AUNIP: variants seen among roughly 807,000 people sequenced by gnomAD.
AUNIP encodes the protein aurora kinase A- and ninein-interacting protein.
A neutral mutation model predicts 12.2 loss-of-function variants in AUNIP; 16 were observed. The ratio of observed to expected loss-of-function variants is 1.31; its 90% CI spans 0.88 to 1.99. The LOEUF (loss-of-function observed/expected upper bound fraction) is 1.99, where lower values mean the gene tolerates loss of function less well. Ranked by LOEUF, AUNIP falls within the 30% of genes most tolerant of loss-of-function variation. The probability of loss-of-function intolerance (pLI) is 0.00; values close to 1 mark genes in which losing one functional copy is unlikely to be tolerated. For missense variants in AUNIP, 411 were observed against 419.1 expected (o/e 0.98, Z 0.17); for synonymous variants, 142 against 154.8 (o/e 0.92, Z 0.61).
chr1:25,846,672 C>T (rs1376573216), intron 1 of AUNIP, among the ~76,000 whole-genome samples: 4 of 152,010 alleles, frequency 2.6e-5, no homozygotes, highest in East Asian at 1.9e-4. Context: ...GCGGTGAGAT[C>T]GCACCACTGC....
At chr1:25,849,898 A>C (rs2048414618) in intron 1 of AUNIP, among the ~76,000 whole-genome samples, 1 of 151,932 alleles carries the variant, frequency 6.6e-6, no homozygotes, top group African/African-American at 2.4e-5. Context: ...CAGCCTCCCA[A>C]AGTGCTGGGA....
downstream of AUNIP, chr1:25,832,497 T>C (rs1466749197): frequency 1.4e-5 from 4 of 294,688 alleles, no homozygotes; most frequent in South Asian, 4.3e-5. Flanking sequence ...GAAAATCTTA[T>C]GCTGCTCCGT....
chr1:25,836,590 TG>T (rs1334581483), intron 2 of AUNIP, among the ~76,000 whole-genome samples: 2 of 152,216 alleles, frequency 1.3e-5, no homozygotes, highest in African/African-American at 2.4e-5. Flanking sequence ...GCAGAATAAC[TG>T]ATTTCCTCTT....
chr1:25,836,181 A>G (rs1393653755), intron 2 of AUNIP, among the ~76,000 whole-genome samples: 4 of 152,168 alleles, frequency 2.6e-5, no homozygotes, highest in Non-Finnish European at 4.4e-5. Flanking sequence ...ACGGCACATC[A>G]GTTTTGCTTT....
At position 25,835,573 on chromosome 1, in the gene AUNIP, C is replaced by A. The variant is rs770594212; in HGVS notation, c.494G>T (p.Gly165Val). The change falls in exon 3 of 3, where the codon GGA becomes GTA. Residue 165 changes from glycine to valine, a missense_variant. Gly to Val is a moderately radical substitution (Grantham distance 109, BLOSUM62 -3). Coordinates refer to ENST00000374298, the MANE Select transcript of AUNIP (RefSeq NM_024037.3). ...AAAAGCCAGTGGGGTATGACTATCT[C>A]CAGCACAGTCTGGAGTATCAGGCTG... The part of the protein sequence containing the change: ...LLQPDTPDCA[G>V]DSHTPLAFSF... The A allele has an allele frequency of 6.2e-7, 1 of 1,614,190 alleles. No homozygotes were observed.
chr1:25,857,055 C>A (rs576666205), intron 1 of AUNIP, among the ~76,000 whole-genome samples: 1 of 152,162 alleles, frequency 6.6e-6, no homozygotes, highest in South Asian at 2.1e-4. Context: ...GGCGTTGAGG[C>A]TGTAGGTAGT....
downstream of AUNIP, chr1:25,832,116 A>C: frequency 8.1e-6 from 13 of 1,604,034 alleles, no homozygotes; most frequent in African/African-American, 1.3e-5. Flanking sequence ...CCTCTTAAGG[A>C]TAGATCTTCT....
chr1:25,843,181 A>ATATATATATATATAT (rs1553123787), intron 1 of AUNIP, among the ~76,000 whole-genome samples: 4 of 104,826 alleles, frequency 3.8e-5, no homozygotes, highest in Non-Finnish European at 8.9e-5. Flanking sequence ...TCAAAAAAAA[A>ATATATATATATATAT]AAAAATATAT....
rs565737920 is a variant in AUNIP, at chr1:25,851,318, A to G, written c.78+7962T>C. ...TATCTGTATTCATAAAGGATACCAG[A>G]CCATAATTTCCTTTTCTTGTGATAT... On this transcript the variant is annotated intron_variant, in intron 1 of 2. Transcript: ENST00000374298. Among the ~76,000 whole-genome samples, 31 of 152,304 alleles carry G rather than the reference A, an allele frequency of 2.0e-4. No homozygotes were observed. The South Asian group carries it at 6.4e-3, about 32-fold the overall frequency.
chr1:25,835,016 G>C lies in AUNIP; in HGVS notation c.1051C>G (p.Gln351Glu). The C allele has an allele frequency of 1.2e-6, 2 of 1,610,760 alleles. No homozygotes were observed. The highest frequency in any genetic ancestry group is 1.7e-6 in the Non-Finnish European group (2 of 1,178,634). ...LLFTQDSEGN[Q>E]VIRHQF ...ATTTAGAATTGGTGTCTGATAACTT[G>C]ATTACCTTCAGAGTCCTGGGTAAAG... The change falls in exon 3 of 3, where the codon CAA (glutamine) becomes GAA (glutamate). Residue 351 changes from glutamine (Q) to glutamate (E), a missense_variant. Gln to Glu is a conservative substitution (Grantham distance 29, BLOSUM62 2). Transcript: ENST00000374298.
chr1:25,857,564 G>GA (rs1416400004), intron 1 of AUNIP, among the ~76,000 whole-genome samples: 5 of 146,544 alleles, frequency 3.4e-5, no homozygotes, highest in Admixed American at 6.8e-5. Context: ...GATAATTTTT[G>GA]AAAAAATAAA....
chr1:25,836,205 A>C (rs1332871950), intron 2 of AUNIP, among the ~76,000 whole-genome samples: 2 of 152,162 alleles, frequency 1.3e-5, no homozygotes, highest in Non-Finnish European at 2.9e-5. Context: ...TTTTTATTTA[A>C]TGTGGTTTTT....
chr1:25,845,939 C>T lies in AUNIP; in HGVS notation c.79-8385G>A, dbSNP rs180850484. ...ACCCACAGAGAACTATGAAGTTTTC[C>T]GTCCCAAAGTAATCTAACAACACAA... On this transcript the variant is annotated intron_variant, in intron 1 of 2. Coordinates refer to ENST00000374298, the MANE Select transcript of AUNIP (RefSeq NM_024037.3). 1.6e-4 allele frequency among the ~76,000 whole-genome samples: 24 copies of T among 152,230 alleles called. No homozygotes were observed. In the East Asian group the frequency reaches 3.9e-3, roughly 24 times the overall value.
chr1:25,837,604 A>G (rs1236601772), intron 1 of AUNIP, 50 bp from the exon 2 acceptor site: 2 of 1,562,184 alleles, frequency 1.3e-6, no homozygotes, highest in African/African-American at 1.4e-5. Context: ...ATTAAAAGAC[A>G]TACAGTAGAG....
rs767132350 is a variant in AUNIP at position 25,835,588 on chromosome 1, G to T, written c.479C>A (p.Thr160Asn). The T allele has an allele frequency of 1.1e-5, 17 of 1,614,148 alleles. 1 individual carries two copies. The Admixed American group carries it at 2.3e-4, about 22-fold the overall frequency. ...STELSLLQPDTPDCAGDSHTP... is the reference protein window; with the variant it reads ...STELSLLQPDNPDCAGDSHTP... The stretch of plus-strand genomic sequence containing the variant: ...ATGACTATCTCCAGCACAGTCTGGA[G>T]TATCAGGCTGGAGCAAAGATAGCTC... Residue 160 changes from threonine to asparagine, a missense_variant, in exon 3 of 3, where the codon ACT (threonine) becomes AAT (asparagine). Transcript: ENST00000374298.
rs372110796 is a variant in AUNIP at position 25,835,162 on chromosome 1, G to C, written c.905C>G (p.Thr302Ser). ...SQGQRVIAHN[T>S]RAPFQDVTNN... ...GGTTACATCTTGAAAAGGAGCTCTA[G>C]TGTTGTGGGCAATGACCCGCTGGCC... is the stretch of plus-strand genomic sequence containing the variant. The change falls in exon 3 of 3, where the codon ACT becomes AGT. Residue 302 changes from threonine (T) to serine (S), a missense_variant. Physicochemically the swap from Thr to Ser is moderately conservative, Grantham distance 58 (BLOSUM62 1). Coordinates refer to ENST00000374298, the MANE Select transcript of AUNIP (RefSeq NM_024037.3). The C allele has an allele frequency of 9.9e-6, 16 of 1,614,078 alleles. No homozygotes were observed. The highest frequency in any genetic ancestry group is 4.5e-5 in the East Asian group (2 of 44,896).
intron 1 of AUNIP, among the ~76,000 whole-genome samples, chr1:25,848,479 G>A (rs1170842725): frequency 3.5e-5 from 3 of 86,042 alleles, no homozygotes; most frequent in Admixed American, 2.8e-4. Context: ...TTGAAACTCC[G>A]TCTCAAAAAA....
chr1:25,834,553 G>T lies in AUNIP; in HGVS notation c.*440C>A. On this transcript the variant is annotated 3_prime_UTR_variant, in exon 3 of 3. Transcript: ENST00000374298. ...AATCGCTTGAATCCGGGAGACAGAG[G>T]GTGCAGTGAGCTGAGGTCGCACCAC... 1.2e-6 allele frequency: 1 copy of T among 840,018 alleles called. No homozygotes were observed. 52.0% of individuals were successfully genotyped at this position (840,018 alleles called of 1,614,324 possible). A position where few individuals can be genotyped will look rare whatever the true frequency, so the allele number is the denominator to read the frequency against.
At chr1:25,856,929 G>T (rs1452612677) in intron 1 of AUNIP, among the ~76,000 whole-genome samples, 1 of 150,394 alleles carries the variant, frequency 6.6e-6, no homozygotes, top group East Asian at 2.0e-4. Context: ...GTAACACAGC[G>T]AAACCCCGTC....
Sources: gnomAD v4.1 joint callset for allele counts (sites outside exome capture counted in the v4.1 genomes callset) on GRCh38, gnomAD v4.1.1 for gene constraint, MANE v1.5 for transcripts, NCBI Gene and HGNC (gene_info 2026-07-23, HGNC 2026-07-21) for gene names.